BICRAL: variants seen among roughly 807,000 people sequenced by gnomAD.
The protein encoded by BICRAL is BICRA like chromatin remodeling complex associated protein.
A neutral mutation model predicts 91.8 loss-of-function variants in BICRAL; 8 were observed. That is an observed-to-expected ratio of 0.09 (90% CI 0.05 to 0.16). The LOEUF (loss-of-function observed/expected upper bound fraction) is 0.16, where lower values mean the gene tolerates loss of function less well. Ranked by LOEUF, BICRAL falls within the 10% of genes least tolerant of loss-of-function variation. BICRAL has a pLI of 1.00. For synonymous variants in BICRAL, 445 were observed against 491.1 expected (o/e 0.91, Z 1.24); for missense variants, 1,038 against 1,310.9 (o/e 0.79, Z 3.21).
Position 42,829,917 on chromosome 6 carries a change from G to A in BICRAL, c.1584G>A (p.Met528Ile). ...VSQGRPGFAT[M>I]PSVTSMSGPS... ...AAGGAAGACCTGGCTTCGCCACCAT[G>A]CCATCGGTGACAAGCATGTCAGGAC... Residue 528 changes from methionine to isoleucine, a missense_variant, in exon 6 of 13, where the codon ATG (methionine) becomes ATA (isoleucine). By Grantham distance (10) the Met-to-Ile change is conservative. Around this residue, in one of 5 missense-constraint regions of BICRAL, gnomAD observed 532 missense variants for 724.9 expected, o/e 0.73. Transcript: ENST00000314073. 6.2e-7 allele frequency: 1 copy of A among 1,614,242 alleles called. No individual in the cohort carries two copies. The highest frequency in any genetic ancestry group is 8.5e-7 in the Non-Finnish European group (1 of 1,180,048).
At chr6:42,816,898 C>T (rs1764009239) in intron 2 of BICRAL, among the ~76,000 whole-genome samples, 1 of 151,498 alleles carries the variant, frequency 6.6e-6, no homozygotes, top group African/African-American at 2.4e-5. Flanking sequence ...CCTGTAGTCC[C>T]AGCTACTCGG....
intron 1 of BICRAL, among the ~76,000 whole-genome samples, chr6:42,770,412 ATTTTTT>A (rs531644287): frequency 3.2e-5 from 4 of 126,220 alleles, no homozygotes; most frequent in Non-Finnish European, 3.3e-5. Context: ...TATTATTATT[ATTTTTT>A]TTTTTTTTTT....
chr6:42,785,271 G>T (rs535727852), intron 1 of BICRAL, among the ~76,000 whole-genome samples: 2 of 152,006 alleles, frequency 1.3e-5, no homozygotes, highest in East Asian at 3.9e-4. Flanking sequence ...AACAAACGTA[G>T]CCTTGAGGCC....
At chr6:42,765,674 T>C (rs1762620239) in intron 1 of BICRAL, among the ~76,000 whole-genome samples, 1 of 152,144 alleles carries the variant, frequency 6.6e-6, no homozygotes, top group Non-Finnish European at 1.5e-5. Flanking sequence ...TTGATAAAGG[T>C]GTGAGTTCCC....
At chr6:42,808,175 A>C (rs560390091) in intron 1 of BICRAL, among the ~76,000 whole-genome samples, 9 of 149,064 alleles carry the variant, frequency 6.0e-5, no homozygotes, top group Non-Finnish European at 1.2e-4. Flanking sequence ...CTTGTTGCCC[A>C]GGCTGGAGTG....
Position 42,829,500 on chromosome 6 carries a change from C to T in BICRAL, c.1167C>T (p.Ser389=). ...SSTGGSIVIH[S]PMGQPHAPQS... is the part of the protein sequence containing the mutation. ...CTGGGGGCAGTATTGTTATTCATTCCCCCATGGGCCAACCTCACGCACCCC... is the reference window on the plus strand; with the variant it reads ...CTGGGGGCAGTATTGTTATTCATTCTCCCATGGGCCAACCTCACGCACCCC... Residue 389 remains serine (S), a synonymous_variant, in exon 6 of 13, where the codon TCC becomes TCT. Transcript: ENST00000314073. 1 of 1,614,106 alleles carries T rather than the reference C, an allele frequency of 6.2e-7. No individual in the cohort carries two copies. Among genetic ancestry groups the T allele is most frequent in the Non-Finnish European group, 8.5e-7 (1 of 1,179,994 alleles).
At chr6:42,805,804 G>A (rs763452289) in intron 1 of BICRAL, among the ~76,000 whole-genome samples, 5 of 151,908 alleles carry the variant, frequency 3.3e-5, no homozygotes, top group African/African-American at 4.8e-5. Flanking sequence ...GATTGAGACC[G>A]TCCTGGCTAA....
rs1177087085 is a variant in BICRAL, at chr6:42,865,069, C to T, written c.2863C>T (p.Leu955=). Residue 955 remains leucine, a synonymous_variant, in exon 13 of 13, where the codon CTG becomes TTG. Coordinates refer to ENST00000314073, the MANE Select transcript of BICRAL (RefSeq NM_001393499.1). ...ATCGGATCATGGTACTGAGAGCAAA[C>T]TGTCAAGCATCCTAGCAGATTCGCA... ...SRSDHGTESK[L]SSILADSHLE... is the part of the protein sequence containing the mutation. 6.2e-7 allele frequency: 1 copy of T among 1,614,178 alleles called. No homozygotes were observed. The highest frequency in any genetic ancestry group is 1.1e-5 in the South Asian group (1 of 91,088).
At position 42,792,887 on chromosome 6, in the gene BICRAL, T is replaced by G. The variant is rs1019524345; in HGVS notation, c.-102+10786T>G. Among the ~76,000 whole-genome samples the G allele has an allele frequency of 1.7e-3, 251 of 147,086 alleles. 1 individual carries two copies. The highest frequency in any genetic ancestry group is 5.8e-3 in the African/African-American group (236 of 40,520). On this transcript the variant is annotated intron_variant, in intron 1 of 12. Transcript: ENST00000314073. Reference sequence around the variant, plus strand: ...AAAATCGTGCCACTGCACTCCAGACTGGGCGACGAGAGTGAAACTCTGTCA... The same window carrying G: ...AAAATCGTGCCACTGCACTCCAGACGGGGCGACGAGAGTGAAACTCTGTCA...
chr6:42,814,686 C>T (rs896579425), intron 2 of BICRAL, among the ~76,000 whole-genome samples: 1 of 150,288 alleles, frequency 6.7e-6, no homozygotes, highest in Admixed American at 6.6e-5. Context: ...CCACCATGGT[C>T]GGCTAATTCT....
intron 1 of BICRAL, among the ~76,000 whole-genome samples, chr6:42,770,912 C>G (rs1025791014): frequency 6.6e-6 from 1 of 152,032 alleles, no homozygotes; most frequent in Non-Finnish European, 1.5e-5. Flanking sequence ...GAACTCCTGA[C>G]CTCAAGTGAT....
chr6:42,757,002 GC>G (rs1762473031), intron 1 of BICRAL, among the ~76,000 whole-genome samples: 1 of 139,840 alleles, frequency 7.2e-6, no homozygotes. Flanking sequence ...TTTCACAGTG[GC>G]TGGCTTCCAA....
chr6:42,834,353 A>G (rs961853267), intron 6 of BICRAL, among the ~76,000 whole-genome samples: 3 of 152,194 alleles, frequency 2.0e-5, no homozygotes, highest in Admixed American at 2.0e-4. Flanking sequence ...TTTGTCATTA[A>G]TTAGAATCTT....
At chr6:42,768,807 CT>C (rs376183077) in intron 1 of BICRAL, among the ~76,000 whole-genome samples, 275 of 152,296 alleles carry the variant, frequency 1.8e-3, no homozygotes, top group African/African-American at 6.1e-3. Flanking sequence ...GCCTTGTAGT[CT>C]GCTCCTCACA....
At chr6:42,801,919 A>G (rs369540944) in intron 1 of BICRAL, among the ~76,000 whole-genome samples, 10 of 152,166 alleles carry the variant, frequency 6.6e-5, no homozygotes, top group East Asian at 5.8e-4. Flanking sequence ...TCCCTAAAAT[A>G]AATTCCCTTT....
chr6:42,783,785 C>T (rs889952846), intron 1 of BICRAL, among the ~76,000 whole-genome samples: 3 of 152,230 alleles, frequency 2.0e-5, no homozygotes, highest in African/African-American at 7.2e-5. Context: ...GATGGGTTCC[C>T]TCCCTGACCC....
intron 6 of BICRAL, among the ~76,000 whole-genome samples, chr6:42,843,833 C>T (rs1378457601): frequency 7.0e-6 from 1 of 142,660 alleles, no homozygotes; most frequent in Non-Finnish European, 1.5e-5. Flanking sequence ...CGGAGTCTCA[C>T]TCTGTCACCC....
In BICRAL at chr6:42,801,249, T is replaced by TAAAA. The variant is rs386406867; in HGVS notation, c.-101-9042_-101-9039dup. Among the ~76,000 whole-genome samples the TAAAA allele has an allele frequency of 1.0e-4, 14 of 134,484 alleles. No homozygotes were observed. In the Middle Eastern group the frequency reaches 0.015, roughly 148 times the overall value. 88.2% of individuals were successfully genotyped at this position (134,484 alleles called of 152,430 possible). ...CTGGCTGGCAGAGCGAGACTCTGTT[T>TAAAA]AAAAAAAAAAAAAAAAAAGAGAGCG... On this transcript the variant is annotated intron_variant, in intron 1 of 12. Coordinates refer to ENST00000314073, the MANE Select transcript of BICRAL (RefSeq NM_001393499.1).
At chr6:42,752,384 C>G (rs1481844158) in intron 1 of BICRAL, among the ~76,000 whole-genome samples, 1 of 152,230 alleles carries the variant, frequency 6.6e-6, no homozygotes, top group African/African-American at 2.4e-5. Flanking sequence ...TGGATAAAAA[C>G]AGACATCGTC....
Sources: gnomAD v4.1 joint callset for allele counts (sites outside exome capture counted in the v4.1 genomes callset) on GRCh38, gnomAD v4.1.1 for gene constraint, gnomAD v4.1.1 regional missense constraint, MANE v1.5 for transcripts, NCBI Gene and HGNC (gene_info 2026-07-23, HGNC 2026-07-21) for gene names.